Variants in PNPLA8 observed in about 807,000 individuals in gnomAD.
PNPLA8 encodes the protein calcium-independent phospholipase A2-gamma.
PNPLA8 carries 39 observed loss-of-function variants against 76.9 expected under a neutral mutation model. That is an observed-to-expected ratio of 0.51 (90% CI 0.39 to 0.66). The LOEUF (loss-of-function observed/expected upper bound fraction) is 0.66. Among genes scored for constraint, PNPLA8 ranks in the 30% least tolerant of loss-of-function variants. PNPLA8 has a pLI of 0.00. For missense variants in PNPLA8, 887 were observed against 918.0 expected, an observed-to-expected ratio of 0.97 and a Z score of 0.44; for synonymous variants, 301 against 307.9, an observed-to-expected ratio of 0.98 and a Z score of 0.24.
intron 10 of PNPLA8, among the ~76,000 whole-genome samples, chr7:108,477,728 A>G (rs1860100079): frequency 6.6e-6 from 1 of 152,010 alleles, no homozygotes; most frequent in Non-Finnish European, 1.5e-5. Flanking sequence ...GCTGGGTGCA[A>G]TGGTATGCAC....
intron 7 of PNPLA8, among the ~76,000 whole-genome samples, chr7:108,492,867 G>T (rs1364887232): frequency 6.6e-6 from 1 of 152,170 alleles, no homozygotes; most frequent in African/African-American, 2.4e-5. Context: ...CTCTTGGTTG[G>T]CATGGCTTTC....
At chr7:108,489,273 C>T (rs888130159) in intron 8 of PNPLA8, among the ~76,000 whole-genome samples, 2 of 152,222 alleles carry the variant, frequency 1.3e-5, no homozygotes, top group Admixed American at 6.5e-5. Flanking sequence ...ATCACAGCCT[C>T]TGAGGCCCTG....
intron 8 of PNPLA8, among the ~76,000 whole-genome samples, chr7:108,490,661 A>G (rs13224835): frequency 1.1e-4 from 16 of 151,696 alleles, no homozygotes; most frequent in South Asian, 4.2e-4. Context: ...GCGGCTGCCT[A>G]TAGTCCCAGC....
At position 108,470,995 on chromosome 7, in the gene PNPLA8, T is replaced by C. The variant is rs1188449545; in HGVS notation, c.*1406A>G. The C allele has an allele frequency of 1.3e-5, 2 of 152,208 alleles. No individual in the cohort carries two copies. The highest frequency in any genetic ancestry group is 3.8e-4 in the East Asian group (2 of 5,198). The allele number at this position is 152,208 out of a possible 1,614,324, so 9.4% of individuals were successfully genotyped here. A position where few individuals can be genotyped will look rare whatever the true frequency, so the allele number is the denominator to read the frequency against. On this transcript the variant is annotated 3_prime_UTR_variant, in exon 11 of 11. Transcript: ENST00000257694. The stretch of plus-strand genomic sequence containing the variant: ...ATATGACTATCTGGGCAACAGGGTC[T>C]AGCTTTAGTTTGTATGTCTAAAACA...
intron 10 of PNPLA8, 138 bp from the exon 11 acceptor site, chr7:108,472,813 A>G (rs147681861): frequency 4.2e-4 from 237 of 568,588 alleles, no homozygotes; most frequent in African/African-American, 4.0e-3. Context: ...CATTATTCAA[A>G]CTGACAGTAG....
At chr7:108,490,739 G>C (rs1366168661) in intron 8 of PNPLA8, among the ~76,000 whole-genome samples, 4 of 151,076 alleles carry the variant, frequency 2.6e-5, no homozygotes, top group Middle Eastern at 3.4e-3. Flanking sequence ...AGCCGAGATT[G>C]TGCCACTGCA....
chr7:108,524,396 C>G (rs918247024), intron 1 of PNPLA8, among the ~76,000 whole-genome samples: 1 of 151,928 alleles, frequency 6.6e-6, no homozygotes, highest in African/African-American at 2.4e-5. Context: ...AGAAAAGACT[C>G]TAAAGGAAAC....
At chr7:108,498,954 G>T (rs540423972) in intron 5 of PNPLA8, among the ~76,000 whole-genome samples, 1 of 152,254 alleles carries the variant, frequency 6.6e-6, no homozygotes, top group South Asian at 2.1e-4. Flanking sequence ...ATGTTAACAA[G>T]AAGTAACTAG....
chr7:108,491,176 G>A (rs1420509573), intron 8 of PNPLA8, among the ~76,000 whole-genome samples: 1 of 152,062 alleles, frequency 6.6e-6, no homozygotes, highest in Admixed American at 6.5e-5. Flanking sequence ...GCGTGGTGGT[G>A]CATGCCTGTA....
At position 108,488,079 on chromosome 7, in the gene PNPLA8, G is replaced by GA. The variant is rs1477370936; in HGVS notation, c.1684-127dup. 29 of 456,666 alleles carry GA rather than the reference G, an allele frequency of 6.4e-5. No homozygotes were observed. In the South Asian group the frequency reaches 2.0e-3, roughly 31 times the overall value. The allele number at this position is 456,666 out of a possible 1,614,324, so 28.3% of individuals were successfully genotyped here. ...CTATATGTGTAACAAATATAATGCT[G>GA]AAAAAAGAGAATCAGATCTTTTTAA... On this transcript the variant is annotated intron_variant, in intron 8 of 10. Coordinates refer to ENST00000257694, the MANE Select transcript of PNPLA8 (RefSeq NM_001256007.3).
intron 8 of PNPLA8, among the ~76,000 whole-genome samples, chr7:108,490,470 T>C (rs1001734048): frequency 6.6e-6 from 1 of 152,226 alleles, no homozygotes; most frequent in Non-Finnish European, 1.5e-5. Context: ...AAGAGGCATA[T>C]AAAATTTCTC....
intron 8 of PNPLA8, 38 bp downstream of exon 8, chr7:108,491,372 T>A (rs190468666): frequency 7.9e-7 from 1 of 1,263,288 alleles, no homozygotes; most frequent in African/African-American, 1.5e-5. Flanking sequence ...GACCTTCAGA[T>A]GGAACTAGGT....
rs747318476 is a variant in PNPLA8 at position 108,502,640 on chromosome 7, T to A, written c.1209A>T (p.Glu403Asp). The A allele has an allele frequency of 6.2e-7, 1 of 1,601,968 alleles. No homozygotes were observed. Among genetic ancestry groups the A allele is most frequent in the South Asian group, 1.1e-5 (1 of 89,924 alleles). ...GTCGTAATAAATATGGAATAATTCTTTCCTATATTGAGAGAAAAGATACTT... is the reference window on the plus strand; with the variant it reads ...GTCGTAATAAATATGGAATAATTCTATCCTATATTGAGAGAAAAGATACTT... ...FPEGKGVAVK[E>D]RIIPYLLRLR... is the part of the protein sequence containing the mutation. Residue 403 changes from glutamate (E) to aspartate (D), a missense_variant and splice_region_variant, in exon 5 of 11, where the codon GAA becomes GAT. Transcript: ENST00000257694.
At chr7:108,502,774 C>T (rs1447219157) in intron 4 of PNPLA8, 132 bp from the exon 5 acceptor site, 9 of 528,642 alleles carry the variant, frequency 1.7e-5, no homozygotes, top group Non-Finnish European at 2.9e-5. Flanking sequence ...TCTCAGTAAT[C>T]TTATAAGACA....
chr7:108,510,350 A>T lies in PNPLA8; in HGVS notation c.1206+3794T>A, dbSNP rs1337474667. The T allele has an allele frequency of 1.9e-6, 3 of 1,578,014 alleles. No individual in the cohort carries two copies. The African/African-American group carries it at 4.0e-5, about 21-fold the overall frequency. ...CCTGAGAAAGAAGTTTGCCCAAAAGATGCTTCGAAAGGCAAGGAGGAAGCT... is the reference window on the plus strand; with the variant it reads ...CCTGAGAAAGAAGTTTGCCCAAAAGTTGCTTCGAAAGGCAAGGAGGAAGCT... On this transcript the variant is annotated intron_variant, in intron 4 of 10. Coordinates refer to ENST00000257694, the MANE Select transcript of PNPLA8 (RefSeq NM_001256007.3).
At chr7:108,487,322 A>G (rs767793405) in intron 9 of PNPLA8, among the ~76,000 whole-genome samples, 4 of 152,312 alleles carry the variant, frequency 2.6e-5, no homozygotes, top group African/African-American at 4.8e-5. Context: ...ACAGCACTAA[A>G]TAAGTGTCTG....
chr7:108,486,765 A>T (rs1219236199), intron 9 of PNPLA8, among the ~76,000 whole-genome samples: 4 of 152,120 alleles, frequency 2.6e-5, no homozygotes, highest in Non-Finnish European at 5.9e-5. Flanking sequence ...TATATTGCTG[A>T]CATGTTGTTT....
rs1413870675 is a variant in PNPLA8, at chr7:108,503,837, C to T, written c.1207-1195G>A. ...ATAAAGGACAGAGAAACCAGCTGAT[C>T]GTTTAGCATCTAAGGGGTTTGGAGT... is the stretch of plus-strand genomic sequence containing the variant. On this transcript the variant is annotated intron_variant, in intron 4 of 10. Transcript: ENST00000257694. Among the ~76,000 whole-genome samples the T allele has an allele frequency of 1.3e-5, 2 of 152,148 alleles. 1 individual carries two copies. The highest frequency in any genetic ancestry group is 2.9e-5 in the Non-Finnish European group (2 of 68,022).
intron 5 of PNPLA8, among the ~76,000 whole-genome samples, chr7:108,498,388 C>T (rs1861711802): frequency 6.6e-6 from 1 of 151,762 alleles, no homozygotes; most frequent in Non-Finnish European, 1.5e-5. Flanking sequence ...CCTCAGCCTC[C>T]CGAGTAGCTG....
Sources: allele counts gnomAD v4.1 joint callset (sites outside exome capture counted in the v4.1 genomes callset), GRCh38; gene constraint gnomAD v4.1.1; transcripts MANE v1.5; gene names NCBI Gene and HGNC (gene_info 2026-07-23, HGNC 2026-07-21).